The following MPPED1 variants were observed in gnomAD, a reference collection of about 807,000 sequenced individuals.
MPPED1 encodes the protein metallophosphoesterase domain containing 1.
In MPPED1, 16 loss-of-function variants were observed where a neutral mutation model predicts 36.2. The observed-to-expected ratio is 0.44, with a 90% CI of 0.30 to 0.67. The LOEUF (loss-of-function observed/expected upper bound fraction) is 0.67, where lower values mean the gene tolerates loss of function less well. Among genes scored for constraint, MPPED1 ranks in the 30% least tolerant of loss-of-function variants. The pLI, the probability that MPPED1 is intolerant of heterozygous loss-of-function variation, is 0.10. For missense variants in MPPED1, 307 were observed against 453.4 expected (o/e 0.68, Z 2.93); for synonymous variants, 199 against 191.3 (o/e 1.04, Z -0.33).
chr22:43,500,124 A>G (rs1464749265), intron 5 of MPPED1, among the ~76,000 whole-genome samples: 10 of 47,254 alleles, frequency 2.1e-4, no homozygotes, highest in South Asian at 1.1e-3. Flanking sequence ...GAAGGTGGTG[A>G]TGGAGGTGGT....
chr22:43,442,739 G>A (rs1930193766), intron 3 of MPPED1, among the ~76,000 whole-genome samples: 1 of 152,132 alleles, frequency 6.6e-6, no homozygotes, highest in African/African-American at 2.4e-5. Context: ...CAGCCAGCTG[G>A]CCTCCCTTCT....
At chr22:43,497,055 A>AAGTGGTGGTGGTG (rs1932432470) in intron 4 of MPPED1, among the ~76,000 whole-genome samples, 2 of 99,900 alleles carry the variant, frequency 2.0e-5, no homozygotes, top group Non-Finnish European at 4.2e-5. Flanking sequence ...GTGGTGGTGG[A>AAGTGGTGGTGGTG]GATGGTGGTG....
intron 5 of MPPED1, among the ~76,000 whole-genome samples, chr22:43,499,966 T>TGGTGATGGC: frequency 1.0e-5 from 1 of 98,782 alleles, no homozygotes; most frequent in Non-Finnish European, 2.0e-5. Context: ...ATGGAGGTGG[T>TGGTGATGGC]GATGGGGGTG....
At chr22:43,423,133 GGCCTCAA>G (rs1397676524) in intron 1 of MPPED1, among the ~76,000 whole-genome samples, 1 of 152,182 alleles carries the variant, frequency 6.6e-6, no homozygotes, top group Non-Finnish European at 1.5e-5. Flanking sequence ...CACTGCACCG[GGCCTCAA>G]ATCCATCTTC....
chr22:43,472,562 T>C (rs2146882341), intron 3 of MPPED1, among the ~76,000 whole-genome samples: 1 of 152,236 alleles, frequency 6.6e-6, no homozygotes, highest in Non-Finnish European at 1.5e-5. Context: ...GTACCAGTGG[T>C]CCCCCGCCCC....
intron 3 of MPPED1, among the ~76,000 whole-genome samples, chr22:43,456,778 G>A (rs1373986100): frequency 6.6e-6 from 1 of 152,204 alleles, no homozygotes; most frequent in Non-Finnish European, 1.5e-5. Context: ...TTACAGGCGT[G>A]AGCCACCGCA....
intron 3 of MPPED1, among the ~76,000 whole-genome samples, chr22:43,473,707 AG>A (rs1931451801): frequency 6.6e-6 from 1 of 152,126 alleles, no homozygotes; most frequent in African/African-American, 2.4e-5. Flanking sequence ...CAGATGGAGT[AG>A]GGGGCAGGGG....
chr22:43,448,576 C>A (rs931187560), intron 3 of MPPED1, among the ~76,000 whole-genome samples: 6 of 125,528 alleles, frequency 4.8e-5, no homozygotes, highest in Non-Finnish European at 8.3e-5. Flanking sequence ...CTTTTAAAAT[C>A]TTTTTATTTA....
chr22:43,447,859 T>TATATAAA (rs1421264893), intron 3 of MPPED1, among the ~76,000 whole-genome samples: 1 of 62,520 alleles, frequency 1.6e-5, no homozygotes, highest in African/African-American at 5.3e-5. Context: ...TATGTAAATA[T>TATATAAA]TATATATATA....
chr22:43,433,362 T>C (rs1929833183), intron 2 of MPPED1, among the ~76,000 whole-genome samples: 1 of 152,160 alleles, frequency 6.6e-6, no homozygotes, highest in African/African-American at 2.4e-5. Context: ...GGGGTCAGCC[T>C]GGTTCATCCC....
chr22:43,412,131 C>T lies in MPPED1; in HGVS notation c.-106C>T, dbSNP rs1601938703. The T allele has an allele frequency of 2.0e-6, 2 of 979,612 alleles. No individual in the cohort carries two copies. Among genetic ancestry groups the T allele is most frequent in the Non-Finnish European group, 2.4e-6 (2 of 827,676 alleles). The allele number at this position is 979,612 out of a possible 1,614,324, so 60.7% of individuals were successfully genotyped here. A position where few individuals can be genotyped will look rare whatever the true frequency, so the allele number is the denominator to read the frequency against. On this transcript the variant is annotated 5_prime_UTR_variant, in exon 1 of 7. Coordinates refer to ENST00000443721, the MANE Select transcript of MPPED1 (RefSeq NM_001044370.2). ...TGCGCGCTGCTGCTCGCAGCCGCCG[C>T]GGCCGCCGAAGAGGAGCCCGGGGCC...
intron 4 of MPPED1, among the ~76,000 whole-genome samples, chr22:43,496,078 A>G (rs1407348128): frequency 0.12 from 312 of 2,700 alleles, 1 homozygote; most frequent in Non-Finnish European, 0.16. Context: ...TGGTGGAGGT[A>G]GTGGTGGTGG....
intron 3 of MPPED1, among the ~76,000 whole-genome samples, chr22:43,473,956 T>C (rs1931460856): frequency 6.6e-6 from 1 of 152,242 alleles, no homozygotes; most frequent in South Asian, 2.1e-4. Context: ...AATGACACTA[T>C]TGTAATTCAG....
intron 3 of MPPED1, among the ~76,000 whole-genome samples, chr22:43,452,022 CTTTT>C (rs543788616): frequency 2.1e-5 from 3 of 144,598 alleles, no homozygotes; most frequent in Non-Finnish European, 4.6e-5. Flanking sequence ...TTTTTTCTTT[CTTTT>C]TTTTTTTTTG....
intron 4 of MPPED1, among the ~76,000 whole-genome samples, chr22:43,476,853 G>A (rs933235965): frequency 6.6e-6 from 1 of 152,062 alleles, no homozygotes; most frequent in African/African-American, 2.4e-5. Flanking sequence ...CTGCCTCACC[G>A]GCCACTAGAG....
At chr22:43,471,956 C>T (rs565976777) in intron 3 of MPPED1, among the ~76,000 whole-genome samples, 48 of 152,192 alleles carry the variant, frequency 3.2e-4, no homozygotes, top group East Asian at 5.8e-4. Flanking sequence ...AACCTCGGGC[C>T]AGGGCCAGGC....
intron 1 of MPPED1, among the ~76,000 whole-genome samples, chr22:43,423,658 T>A (rs1929355491): frequency 6.6e-6 from 1 of 152,186 alleles, no homozygotes; most frequent in East Asian, 1.9e-4. Flanking sequence ...TGTTCTCCAG[T>A]CTCTAATTTT....
chr22:43,488,545 C>T (rs1931985882), intron 4 of MPPED1, among the ~76,000 whole-genome samples: 1 of 152,132 alleles, frequency 6.6e-6, no homozygotes, highest in African/African-American at 2.4e-5. Flanking sequence ...AGACGGGACT[C>T]GAAGGTTACC....
intron 2 of MPPED1, among the ~76,000 whole-genome samples, chr22:43,427,898 G>A (rs1021154570): frequency 6.6e-5 from 10 of 152,128 alleles, no homozygotes; most frequent in Admixed American, 3.3e-4. Flanking sequence ...CTCAGTGGAG[G>A]AAACAGCACC....
Sources: gnomAD v4.1 joint callset for allele counts (sites outside exome capture counted in the v4.1 genomes callset) on GRCh38, gnomAD v4.1.1 for gene constraint, MANE v1.5 for transcripts, NCBI Gene and HGNC (gene_info 2026-07-23, HGNC 2026-07-21) for gene names.